Variants in FAM118A observed in about 807,000 individuals in gnomAD.
FAM118A encodes SIR2 antiphage like 2, also known as protein FAM118A.
Under a neutral mutation model 38.2 loss-of-function variants are expected in FAM118A, and 25 were observed. That is an observed-to-expected ratio of 0.65 (90% CI 0.48 to 0.91). The LOEUF (loss-of-function observed/expected upper bound fraction) is 0.91. FAM118A is among the 40% of genes least tolerant of loss of function. The probability of loss-of-function intolerance (pLI) is 0.00; values close to 1 mark genes in which losing one functional copy is unlikely to be tolerated. For missense variants in FAM118A, 425 were observed against 463.3 expected, an observed-to-expected ratio of 0.92 and a Z score of 0.76; for synonymous variants, 178 against 184.1, an observed-to-expected ratio of 0.97 and a Z score of 0.27.
chr22:45,317,139 A>G (rs170505), intron 1 of FAM118A, among the ~76,000 whole-genome samples: 136,007 of 152,216 alleles, frequency 0.89, 60,901 homozygotes, highest in African/African-American at 0.95. Context: ...CACTTTGGGA[A>G]GCTGAGGCAA....
Position 45,325,171 on chromosome 22 carries a change from G to A in FAM118A, c.300+1744G>A, listed in dbSNP as rs184067596. Among the ~76,000 whole-genome samples, 7 of 152,340 alleles carry A rather than the reference G, an allele frequency of 4.6e-5. No individual in the cohort carries two copies. The East Asian group carries it at 1.3e-3, about 29-fold the overall frequency. On this transcript the variant is annotated intron_variant, in intron 3 of 8. Coordinates refer to ENST00000441876, the MANE Select transcript of FAM118A (RefSeq NM_017911.4). ...TCGCTGGGCAGCACTGAGGGCCCTT[G>A]TTGTCCTTCAGGTGAAGAGAGACTG...
In FAM118A at chr22:45,323,414, G is replaced by A. The variant is rs777227788; in HGVS notation, c.287G>A (p.Arg96Gln). Reference sequence around the variant, plus strand: ...TTGGTTGTCGCCCATGATCTGATCCGGAAGATGTCACCTGTAAGTGTCAGA... The same window carrying A: ...TTGGTTGTCGCCCATGATCTGATCCAGAAGATGTCACCTGTAAGTGTCAGA... ...DLLVVAHDLIRKMSPRTGDAK... is the reference protein window; with the variant it reads ...DLLVVAHDLIQKMSPRTGDAK... The change falls in exon 3 of 9, where the codon CGG (arginine) becomes CAG (glutamine). Residue 96 changes from arginine (R) to glutamine (Q), a missense_variant. Physicochemically the swap from Arg to Gln is conservative, Grantham distance 43. Transcript: ENST00000441876. 9.9e-6 allele frequency: 16 copies of A among 1,613,150 alleles called. No homozygotes were observed. In the African/African-American group the frequency reaches 1.2e-4, roughly 12 times the overall value.
chr22:45,336,767 C>T (rs1027843220), intron 8 of FAM118A, among the ~76,000 whole-genome samples: 43 of 152,166 alleles, frequency 2.8e-4, no homozygotes, highest in Admixed American at 2.0e-3. Flanking sequence ...GCGAAGTGAA[C>T]GCTCCCATCT....
chr22:45,331,054 A>G (rs537890235), intron 5 of FAM118A, among the ~76,000 whole-genome samples: 2 of 152,326 alleles, frequency 1.3e-5, no homozygotes, highest in South Asian at 4.1e-4. Context: ...CCAGGTATAT[A>G]GTGAAACTCC....
At chr22:45,321,167 A>G (rs183283367) in intron 1 of FAM118A, among the ~76,000 whole-genome samples, 1 of 152,248 alleles carries the variant, frequency 6.6e-6, no homozygotes, top group Admixed American at 6.5e-5. Flanking sequence ...CCTAGGCTGG[A>G]GTGCAGTGGC....
chr22:45,332,733 C>G (rs768570793), intron 6 of FAM118A, 23 bp downstream of exon 6: 4 of 1,535,510 alleles, frequency 2.6e-6, no homozygotes, highest in East Asian at 4.6e-5. Context: ...GCTTCACTTT[C>G]CTTTTTCTTT....
chr22:45,340,412 T>A lies in FAM118A; in HGVS notation c.*7T>A. The A allele has an allele frequency of 6.2e-7, 1 of 1,614,216 alleles. No homozygotes were observed. Among genetic ancestry groups the A allele is most frequent in the East Asian group, 2.2e-5 (1 of 44,882 alleles). ...TGATGCTGGAGGGTCTTGAAATCTT[T>A]ACAGTAAAACCTGCAACTTGAAAAC... On this transcript the variant is annotated 3_prime_UTR_variant, in exon 9 of 9. Transcript: ENST00000441876.
At chr22:45,330,860 G>A in intron 5 of FAM118A, 129 bp downstream of exon 5, 2 of 1,052,004 alleles carry the variant, frequency 1.9e-6, no homozygotes, top group South Asian at 6.8e-5. Context: ...CCTGCACACA[G>A]TTGCTGAGGG....
intron 2 of FAM118A, 104 bp from the exon 3 acceptor site, chr22:45,323,071 G>GTGTGTGTGTA: frequency 8.4e-7 from 1 of 1,191,258 alleles, no homozygotes; most frequent in East Asian, 2.4e-5. Flanking sequence ...GTGTGTGTGT[G>GTGTGTGTGTA]TGTGTACACA....
chr22:45,310,624 A>G (rs1319078693), intron 1 of FAM118A, among the ~76,000 whole-genome samples: 2 of 152,064 alleles, frequency 1.3e-5, no homozygotes, highest in African/African-American at 4.8e-5. Context: ...GGTTTCTCCA[A>G]CTTGAGGTCC....
At chr22:45,330,823 C>G (rs2085655477) in intron 5 of FAM118A, 92 bp downstream of exon 5, 12 of 1,365,992 alleles carry the variant, frequency 8.8e-6, no homozygotes, top group Non-Finnish European at 1.0e-5. Flanking sequence ...TTCCCAGGCT[C>G]CAGGCGTCCG....
At chr22:45,336,269 T>A in intron 7 of FAM118A, 59 bp from the exon 8 acceptor site, 1 of 1,403,344 alleles carries the variant, frequency 7.1e-7, no homozygotes, top group Non-Finnish European at 1.0e-6. Context: ...CATTATGAAC[T>A]GTGCCTTGGC....
intron 1 of FAM118A, chr22:45,322,051 C>G: frequency 2.0e-6 from 1 of 502,970 alleles, no homozygotes; most frequent in Non-Finnish European, 3.4e-6. Flanking sequence ...GAGCAGTGTC[C>G]CAAGAGACAG....
In FAM118A at chr22:45,332,520, C is replaced by T. The variant is rs182295686; in HGVS notation, c.747C>T (p.Tyr249=). 1.5e-4 allele frequency: 250 copies of T among 1,614,176 alleles called. No individual in the cohort carries two copies. The highest frequency in any genetic ancestry group is 2.0e-4 in the Non-Finnish European group (233 of 1,180,024). ...RDQIFQALFL[Y]SVPNKVDLEH... ...AGATATTCCAGGCCCTCTTTCTTTA[C>T]TCCGTGCCGAATAAGGTGGATTTGG... The change falls in exon 6 of 9, where the codon TAC becomes TAT. Residue 249 remains tyrosine (Y), a synonymous_variant. Coordinates refer to ENST00000441876, the MANE Select transcript of FAM118A (RefSeq NM_017911.4).
rs192558239 is a variant in FAM118A, at chr22:45,336,520, C to T, written c.1054+109C>T. 1.1e-3 allele frequency: 809 copies of T among 767,042 alleles called. 1 individual carries two copies. The highest frequency in any genetic ancestry group is 1.8e-3 in the Admixed American group (79 of 43,980). The allele number at this position is 767,042 out of a possible 1,614,324, so 47.5% of individuals were successfully genotyped here. A position where few individuals can be genotyped will look rare whatever the true frequency, so the allele number is the denominator to read the frequency against. Reference sequence around the variant, plus strand: ...TGCCCCGCGCCCTATGGTGGGAGGACGGTGCATACGTTCTGTCAGGGCCAG... The same window carrying T: ...TGCCCCGCGCCCTATGGTGGGAGGATGGTGCATACGTTCTGTCAGGGCCAG... On this transcript the variant is annotated intron_variant, in intron 8 of 8. Coordinates refer to ENST00000441876, the MANE Select transcript of FAM118A (RefSeq NM_017911.4).
intron 5 of FAM118A, among the ~76,000 whole-genome samples, chr22:45,331,675 CGGTGTCATTCCGTGACA>C (rs1161263645): frequency 3.9e-5 from 6 of 152,170 alleles, no homozygotes; most frequent in Admixed American, 3.9e-4. Context: ...ATCCCTGGGC[CGGTGTCATTCCGTGACA>C]GGTGTCAGCA....
chr22:45,334,132 T>C (rs974804698), intron 6 of FAM118A, among the ~76,000 whole-genome samples: 1 of 152,238 alleles, frequency 6.6e-6, no homozygotes, highest in Non-Finnish European at 1.5e-5. Flanking sequence ...TAAGTAGTGC[T>C]CCTTGGCACT....
chr22:45,320,200 C>T (rs563482847), intron 1 of FAM118A, among the ~76,000 whole-genome samples: 24 of 152,130 alleles, frequency 1.6e-4, no homozygotes, highest in Non-Finnish European at 2.8e-4. Context: ...TGCTGTGGCT[C>T]ATGCCTGTAA....
At chr22:45,316,662 A>G (rs961674992) in intron 1 of FAM118A, among the ~76,000 whole-genome samples, 1 of 152,050 alleles carries the variant, frequency 6.6e-6, no homozygotes, top group Non-Finnish European at 1.5e-5. Flanking sequence ...TAAATTTAGT[A>G]TTTCCCAGCC....
Sources: gnomAD v4.1 joint callset for allele counts (sites outside exome capture counted in the v4.1 genomes callset) on GRCh38, gnomAD v4.1.1 for gene constraint, MANE v1.5 for transcripts, NCBI Gene and HGNC (gene_info 2026-07-23, HGNC 2026-07-21) for gene names.